Variants in DKK2 observed in about 807,000 individuals in gnomAD.
DKK2 encodes the protein dickkopf-related protein 2.
In DKK2, 11 loss-of-function variants were observed where a neutral mutation model predicts 28.1. The observed-to-expected ratio is 0.39, with a 90% CI of 0.25 to 0.65. DKK2 has a LOEUF of 0.65. DKK2 is among the 30% of genes least tolerant of loss of function. The pLI, the probability that DKK2 is intolerant of heterozygous loss-of-function variation, is 0.47. For missense variants in DKK2, 326 were observed against 335.5 expected, an observed-to-expected ratio of 0.97 and a Z score of 0.22; for synonymous variants, 135 against 126.5, an observed-to-expected ratio of 1.07 and a Z score of -0.45.
intron 1 of DKK2, among the ~76,000 whole-genome samples, chr4:107,010,651 C>T (rs1232017540): frequency 6.6e-6 from 1 of 151,286 alleles, no homozygotes; most frequent in East Asian, 1.9e-4. Flanking sequence ...TCTGTAACGT[C>T]CTGAAACTCC....
intron 1 of DKK2, among the ~76,000 whole-genome samples, chr4:107,015,493 A>G (rs1462531048): frequency 1.3e-5 from 2 of 151,690 alleles, no homozygotes; most frequent in African/African-American, 4.8e-5. Flanking sequence ...GACTACAGGC[A>G]CTACATACAT....
intron 1 of DKK2, among the ~76,000 whole-genome samples, chr4:107,019,134 G>C (rs763486104): frequency 6.6e-6 from 1 of 151,866 alleles, no homozygotes; most frequent in Admixed American, 6.6e-5. Flanking sequence ...TTACGGGCAC[G>C]GCTGTATAGA....
intron 1 of DKK2, among the ~76,000 whole-genome samples, chr4:106,937,957 G>A (rs1225450371): frequency 1.2e-4 from 17 of 142,998 alleles, no homozygotes; most frequent in South Asian, 4.7e-4. Context: ...TCTCTGGGAC[G>A]CATTCAAAGC....
chr4:106,987,158 T>C (rs1224483222), intron 1 of DKK2, among the ~76,000 whole-genome samples: 1 of 152,206 alleles, frequency 6.6e-6, no homozygotes, highest in Non-Finnish European at 1.5e-5. Context: ...AAATGTTCTG[T>C]TTTAAATAAT....
intron 1 of DKK2, among the ~76,000 whole-genome samples, chr4:106,949,154 G>T (rs952843692): frequency 6.6e-6 from 1 of 152,140 alleles, no homozygotes; most frequent in South Asian, 2.1e-4. Flanking sequence ...TTGAGGTTGG[G>T]TAAGGTGGAG....
chr4:106,998,447 A>G (rs529628615), intron 1 of DKK2, among the ~76,000 whole-genome samples: 50 of 152,338 alleles, frequency 3.3e-4, no homozygotes, highest in Middle Eastern at 3.4e-3. Flanking sequence ...AAGGACAAGC[A>G]GTCAATGTTC....
chr4:106,993,702 C>T (rs1224012936), intron 1 of DKK2, among the ~76,000 whole-genome samples: 2 of 151,854 alleles, frequency 1.3e-5, no homozygotes, highest in African/African-American at 2.4e-5. Flanking sequence ...ACATAATGTC[C>T]AATATAATGT....
intron 1 of DKK2, among the ~76,000 whole-genome samples, chr4:106,962,212 GTTAT>G (rs1722696962): frequency 1.3e-5 from 2 of 151,792 alleles, no homozygotes; most frequent in African/African-American, 4.9e-5. Context: ...TTTCATTATA[GTTAT>G]TTATGGATTT....
intron 1 of DKK2, among the ~76,000 whole-genome samples, chr4:106,988,385 T>C (rs1047753843): frequency 7.2e-5 from 11 of 152,202 alleles, no homozygotes; most frequent in African/African-American, 2.7e-4. Context: ...TAGGTTAGAC[T>C]AAAAATATAA....
chr4:107,006,243 T>C (rs1175558144), intron 1 of DKK2, among the ~76,000 whole-genome samples: 3 of 152,206 alleles, frequency 2.0e-5, no homozygotes, highest in Non-Finnish European at 4.4e-5. Context: ...AAGCAAACCA[T>C]TTTCATGTGT....
At chr4:106,970,022 CACA>C (rs1404056159) in intron 1 of DKK2, among the ~76,000 whole-genome samples, 2 of 152,072 alleles carry the variant, frequency 1.3e-5, no homozygotes, top group Non-Finnish European at 2.9e-5. Flanking sequence ...TTATTTTTAA[CACA>C]ACATGTATTT....
rs973204985 is a variant in DKK2, at chr4:107,003,768, A to G, written c.222+31602T>C. Among the ~76,000 whole-genome samples, 23 of 152,210 alleles carry G rather than the reference A, an allele frequency of 1.5e-4. 1 individual carries two copies. Among genetic ancestry groups the G allele is most frequent in the Admixed American group, 6.5e-5 (1 of 15,282 alleles). The stretch of plus-strand genomic sequence containing the variant: ...TCTCAGGACCGGGTCCAGCGTCATC[A>G]CATCACATAGGACCTTATTAAAATT... On this transcript the variant is annotated intron_variant, in intron 1 of 3. Coordinates refer to ENST00000285311, the MANE Select transcript of DKK2 (RefSeq NM_014421.3).
chr4:106,923,023 A>G lies in DKK2; in HGVS notation c.*931T>C, dbSNP rs1018351297. 2.6e-5 allele frequency: 4 copies of G among 152,216 alleles called. No individual in the cohort carries two copies. Among genetic ancestry groups the G allele is most frequent in the African/African-American group, 9.6e-5 (4 of 41,462 alleles). 9.4% of individuals were successfully genotyped at this position (152,216 alleles called of 1,614,324 possible). Reference sequence around the variant, plus strand: ...TACAGGTTATGGCCAATCTTTAAGAAATAATGATCTCTCTGTTAGCTCTTT... The same window carrying G: ...TACAGGTTATGGCCAATCTTTAAGAGATAATGATCTCTCTGTTAGCTCTTT... On this transcript the variant is annotated 3_prime_UTR_variant, in exon 4 of 4. Coordinates refer to ENST00000285311, the MANE Select transcript of DKK2 (RefSeq NM_014421.3).
chr4:106,997,186 G>A (rs183209377), intron 1 of DKK2, among the ~76,000 whole-genome samples: 193 of 152,120 alleles, frequency 1.3e-3, no homozygotes, highest in African/African-American at 4.6e-3. Flanking sequence ...ATAATACAGA[G>A]AATAACTATT....
At chr4:106,946,558 CAG>C (rs1724779376) in intron 1 of DKK2, among the ~76,000 whole-genome samples, 1 of 152,056 alleles carries the variant, frequency 6.6e-6, no homozygotes, top group Admixed American at 6.6e-5. Flanking sequence ...GCAACATAGA[CAG>C]AACTCCCAAA....
chr4:107,006,848 T>C (rs1723444620), intron 1 of DKK2, among the ~76,000 whole-genome samples: 1 of 152,332 alleles, frequency 6.6e-6, no homozygotes, highest in East Asian at 1.9e-4. Context: ...GGGAAGTACA[T>C]CACTTTGAGA....
chr4:106,924,324 A>G, intron 3 of DKK2, 120 bp from the exon 4 acceptor site: 1 of 1,393,250 alleles, frequency 7.2e-7, no homozygotes. Context: ...GTTACCATTT[A>G]TAATGAAAAG....
chr4:107,002,778 G>T (rs1021162741), intron 1 of DKK2, among the ~76,000 whole-genome samples: 2 of 152,190 alleles, frequency 1.3e-5, no homozygotes, highest in Admixed American at 6.5e-5. Context: ...TCACATCCTG[G>T]AATAATGTGG....
chr4:106,928,226 T>C (rs1277077672), intron 1 of DKK2, among the ~76,000 whole-genome samples: 1 of 152,136 alleles, frequency 6.6e-6, no homozygotes, highest in East Asian at 1.9e-4. Flanking sequence ...AATAAAATTA[T>C]AATAATTTAA....
Sources: gnomAD v4.1 joint callset for allele counts (sites outside exome capture counted in the v4.1 genomes callset) on GRCh38, gnomAD v4.1.1 for gene constraint, MANE v1.5 for transcripts, NCBI Gene and HGNC (gene_info 2026-07-23, HGNC 2026-07-21) for gene names.